The following GRIN2B variants were observed in gnomAD, a reference collection of about 807,000 sequenced individuals.
GRIN2B encodes the protein glutamate receptor ionotropic, NMDA 2B.
Under a neutral mutation model 114.5 loss-of-function variants are expected in GRIN2B, and 5 were observed. The observed-to-expected ratio is 0.04, with a 90% CI of 0.02 to 0.09. GRIN2B has a LOEUF of 0.09. Ranked by LOEUF, GRIN2B falls within the 10% of genes least tolerant of loss-of-function variation. GRIN2B has a pLI of 1.00. For synonymous variants in GRIN2B, 787 were observed against 745.1 expected (o/e 1.06, Z -0.92); for missense variants, 1,108 against 1,943.5 (o/e 0.57, Z 8.08).
chr12:13,875,964 A>C (rs1183466487), intron 2 of GRIN2B, among the ~76,000 whole-genome samples: 1 of 152,220 alleles, frequency 6.6e-6, no homozygotes, highest in Non-Finnish European at 1.5e-5. Context: ...AAGACAAATA[A>C]ACAGGAAATT....
intron 3 of GRIN2B, among the ~76,000 whole-genome samples, chr12:13,803,110 A>C (rs1864545470): frequency 6.6e-6 from 1 of 152,152 alleles, no homozygotes; most frequent in Admixed American, 6.5e-5. Context: ...AATTTTCTTA[A>C]TAACATTTTG....
intron 3 of GRIN2B, among the ~76,000 whole-genome samples, chr12:13,823,581 T>C (rs1371201603): frequency 6.6e-6 from 1 of 152,142 alleles, no homozygotes; most frequent in African/African-American, 2.4e-5. Flanking sequence ...ATTTTCTGCA[T>C]AGAAAGTCAT....
At chr12:13,727,110 G>C (rs977728908) in intron 4 of GRIN2B, among the ~76,000 whole-genome samples, 1 of 152,146 alleles carries the variant, frequency 6.6e-6, no homozygotes, top group African/African-American at 2.4e-5. Context: ...CTCAGGATTT[G>C]AATATAGGTA....
At chr12:13,747,420 C>T (rs181627710) in intron 4 of GRIN2B, among the ~76,000 whole-genome samples, 2 of 152,286 alleles carry the variant, frequency 1.3e-5, no homozygotes, top group East Asian at 3.9e-4. Context: ...CATTGTTATG[C>T]CTGAACTACA....
At chr12:13,919,933 G>A (rs1434102289) in intron 2 of GRIN2B, among the ~76,000 whole-genome samples, 2 of 152,124 alleles carry the variant, frequency 1.3e-5, no homozygotes, top group African/African-American at 4.8e-5. Flanking sequence ...TACCACAGGA[G>A]GAAGATCACA....
At chr12:13,879,082 A>G (rs1866032429) in intron 2 of GRIN2B, among the ~76,000 whole-genome samples, 1 of 152,250 alleles carries the variant, frequency 6.6e-6, no homozygotes, top group African/African-American at 2.4e-5. Flanking sequence ...TATACAAATT[A>G]GAAACCAAAG....
intron 3 of GRIN2B, among the ~76,000 whole-genome samples, chr12:13,799,856 A>C (rs1864476397): frequency 6.6e-6 from 1 of 151,988 alleles, no homozygotes; most frequent in African/African-American, 2.4e-5. Flanking sequence ...GCATCAGGAG[A>C]ACCTGCTAGG....
chr12:13,687,530 C>G (rs929017724), intron 4 of GRIN2B, among the ~76,000 whole-genome samples: 1 of 152,132 alleles, frequency 6.6e-6, no homozygotes, highest in African/African-American at 2.4e-5. Context: ...ATCATAGGTT[C>G]CACCAATTCC....
intron 5 of GRIN2B, among the ~76,000 whole-genome samples, chr12:13,644,991 T>G (rs1261709992): frequency 6.6e-6 from 1 of 152,142 alleles, no homozygotes; most frequent in Non-Finnish European, 1.5e-5. Context: ...TGCTTTGCTT[T>G]CTTATCATAT....
chr12:13,916,107 G>T (rs753527804), intron 2 of GRIN2B, among the ~76,000 whole-genome samples: 3 of 152,084 alleles, frequency 2.0e-5, no homozygotes, highest in South Asian at 2.1e-4. Flanking sequence ...GGAAATAAAA[G>T]CCTGTGCACT....
chr12:13,968,924 G>A (rs1867833543), intron 2 of GRIN2B, among the ~76,000 whole-genome samples: 1 of 152,214 alleles, frequency 6.6e-6, no homozygotes, highest in Non-Finnish European at 1.5e-5. Flanking sequence ...CAAGAAAATG[G>A]AGAATCTTCA....
At chr12:13,837,387 C>G (rs1219708006) in intron 3 of GRIN2B, among the ~76,000 whole-genome samples, 1 of 152,220 alleles carries the variant, frequency 6.6e-6, no homozygotes. Context: ...ACAACAATCT[C>G]TACCTCACAG....
intron 2 of GRIN2B, among the ~76,000 whole-genome samples, chr12:13,891,184 C>T (rs987838953): frequency 1.3e-5 from 2 of 152,162 alleles, no homozygotes; most frequent in African/African-American, 4.8e-5. Context: ...AAGACAGAGC[C>T]TCTTGAACTC....
In GRIN2B at chr12:13,759,316, A is replaced by T. The variant is rs566272250; in HGVS notation, c.412-5401T>A. Reference sequence around the variant, plus strand: ...GAGCCACCACGCCCAGCTAGTTTCAAATTTTTATGCTGATGGCACATATCT... The same window carrying T: ...GAGCCACCACGCCCAGCTAGTTTCATATTTTTATGCTGATGGCACATATCT... On this transcript the variant is annotated intron_variant, in intron 3 of 13. Coordinates refer to ENST00000609686, the MANE Select transcript of GRIN2B (RefSeq NM_000834.5). Among the ~76,000 whole-genome samples the T allele has an allele frequency of 2.0e-4, 31 of 152,116 alleles. No individual in the cohort carries two copies. The South Asian group carries it at 5.2e-3, about 25-fold the overall frequency.
intron 3 of GRIN2B, among the ~76,000 whole-genome samples, chr12:13,841,199 C>G (rs1865372971): frequency 1.3e-5 from 2 of 152,096 alleles, no homozygotes; most frequent in African/African-American, 4.8e-5. Flanking sequence ...CATTGTATGG[C>G]TGAAGAAGCT....
chr12:13,892,692 C>T (rs1015630822), intron 2 of GRIN2B, among the ~76,000 whole-genome samples: 2 of 152,204 alleles, frequency 1.3e-5, no homozygotes, highest in Admixed American at 1.3e-4. Flanking sequence ...ACAAAACAGT[C>T]TCCTAAGCTT....
At chr12:13,922,011 G>A (rs1057327100) in intron 2 of GRIN2B, among the ~76,000 whole-genome samples, 1 of 152,188 alleles carries the variant, frequency 6.6e-6, no homozygotes, top group Non-Finnish European at 1.5e-5. Context: ...AGGAAAATGA[G>A]TGTTATTATA....
At chr12:13,673,438 T>G (rs1482128332) in intron 5 of GRIN2B, among the ~76,000 whole-genome samples, 1 of 152,050 alleles carries the variant, frequency 6.6e-6, no homozygotes, top group Admixed American at 6.6e-5. Flanking sequence ...AAGGCTCAAG[T>G]TGGCTTTGGG....
chr12:13,573,759 A>G (rs937611971), intron 10 of GRIN2B, among the ~76,000 whole-genome samples: 6 of 152,174 alleles, frequency 3.9e-5, no homozygotes, highest in Admixed American at 3.9e-4. Context: ...ATTAGAAGTA[A>G]TTCTTTTCCT....
Sources: allele counts gnomAD v4.1 joint callset (sites outside exome capture counted in the v4.1 genomes callset), GRCh38; gene constraint gnomAD v4.1.1; transcripts MANE v1.5; gene names NCBI Gene and HGNC (gene_info 2026-07-23, HGNC 2026-07-21).